TUNAR: variants seen among roughly 807,000 people sequenced by gnomAD.
The protein encoded by TUNAR is protein TUNAR.
Position 95,907,991 on chromosome 14 carries a change from C to T in TUNAR, c.13-14790C>T, listed in dbSNP as rs375348645. On this transcript the variant is annotated intron_variant, in intron 2 of 2. Transcript: ENST00000678517. ...TGTGTGTCAGTTGGTCCATGGGCAG[C>T]CATGGGTGGGCCTGGAAAAGGCACC... 2.4e-3 allele frequency among the ~76,000 whole-genome samples: 360 copies of T among 152,270 alleles called. 3 individuals are homozygous for T. The highest frequency in any genetic ancestry group is 7.9e-3 in the African/African-American group (330 of 41,568).
intron 2 of TUNAR, among the ~76,000 whole-genome samples, chr14:95,909,549 C>T (rs184509398): frequency 6.6e-6 from 1 of 152,294 alleles, no homozygotes; most frequent in Admixed American, 6.5e-5. Flanking sequence ...CCGCAAAGTG[C>T]TGGGATTACA....
At chr14:95,896,515 G>T (rs1482058211) in intron 2 of TUNAR, among the ~76,000 whole-genome samples, 3 of 152,184 alleles carry the variant, frequency 2.0e-5, no homozygotes, top group Admixed American at 2.0e-4. Flanking sequence ...GACTGGGCTG[G>T]GTGAGGGGCA....
At chr14:95,909,282 CTTTTTTTT>C (rs3044246) in intron 2 of TUNAR, among the ~76,000 whole-genome samples, 1 of 125,960 alleles carries the variant, frequency 7.9e-6, no homozygotes, top group Non-Finnish European at 1.6e-5. Flanking sequence ...GCTGCCATCT[CTTTTTTTT>C]TTTTTTTTTT....
chr14:95,887,681 A>G (rs1675853643), intron 2 of TUNAR, among the ~76,000 whole-genome samples: 1 of 152,212 alleles, frequency 6.6e-6, no homozygotes, highest in Admixed American at 6.5e-5. Flanking sequence ...GGACAGTACT[A>G]ATCTACCTGC....
chr14:95,915,472 C>T (rs1014761286), intron 2 of TUNAR, among the ~76,000 whole-genome samples: 17 of 152,228 alleles, frequency 1.1e-4, no homozygotes, highest in African/African-American at 2.9e-4. Flanking sequence ...GACAGAGCAT[C>T]TTATAGGCTT....
At position 95,918,799 on chromosome 14, in the gene TUNAR, G is replaced by T. The variant is rs369258295; in HGVS notation, c.13-3982G>T. On this transcript the variant is annotated intron_variant, in intron 2 of 2. Transcript: ENST00000678517. ...TTTGTTTTGCTTGAGTGACTGTGAT[G>T]ATGGGTCTTTGGTTATAAAGGCAGC... is the stretch of plus-strand genomic sequence containing the variant. 4.6e-5 allele frequency among the ~76,000 whole-genome samples: 7 copies of T among 152,304 alleles called. 1 individual carries two copies. Among genetic ancestry groups the T allele is most frequent in the East Asian group, 1.9e-4 (1 of 5,182 alleles).
At chr14:95,912,423 A>G (rs1288572646) in intron 2 of TUNAR, among the ~76,000 whole-genome samples, 1 of 152,224 alleles carries the variant, frequency 6.6e-6, no homozygotes, top group East Asian at 1.9e-4. Context: ...TATTGTCTAA[A>G]TAGATGCAGA....
chr14:95,909,602 G>A (rs541102776), intron 2 of TUNAR, among the ~76,000 whole-genome samples: 1 of 152,286 alleles, frequency 6.6e-6, no homozygotes, highest in South Asian at 2.1e-4. Context: ...TCTTTATAGG[G>A]AAATCCAGCT....
chr14:95,898,675 G>C (rs536483679), intron 2 of TUNAR, among the ~76,000 whole-genome samples: 31 of 152,010 alleles, frequency 2.0e-4, no homozygotes, highest in African/African-American at 6.0e-4. Context: ...TAACCTCTGA[G>C]AGCTTTTTCT....
At chr14:95,915,979 C>T (rs1889598916) in intron 2 of TUNAR, among the ~76,000 whole-genome samples, 2 of 152,140 alleles carry the variant, frequency 1.3e-5, no homozygotes, top group South Asian at 4.1e-4. Context: ...ACTTAATATA[C>T]CCAGTCTTTA....
chr14:95,901,898 C>T (rs1476294129), intron 2 of TUNAR, among the ~76,000 whole-genome samples: 2 of 152,174 alleles, frequency 1.3e-5, no homozygotes, highest in African/African-American at 4.8e-5. Context: ...GCTGCAGGGA[C>T]ACGGTATCTG....
At chr14:95,924,962 C>T (rs1260862637) in exon 3 of TUNAR, 1 of 152,224 alleles carries the variant, frequency 6.6e-6, no homozygotes, top group East Asian at 1.9e-4. Context: ...TTCTTGGGCT[C>T]TGTTAAATGG....
intron 2 of TUNAR, among the ~76,000 whole-genome samples, chr14:95,900,522 A>G (rs1368696727): frequency 6.6e-6 from 1 of 152,214 alleles, no homozygotes; most frequent in Non-Finnish European, 1.5e-5. Flanking sequence ...AGTTGGTGGG[A>G]GTCCAGGGTA....
At chr14:95,925,040 C>T (rs1366944073) in exon 3 of TUNAR, 1 of 152,246 alleles carries the variant, frequency 6.6e-6, no homozygotes, top group Non-Finnish European at 1.5e-5. Flanking sequence ...GATATCTTCT[C>T]TTCCCTGCCA....
intron 2 of TUNAR, among the ~76,000 whole-genome samples, chr14:95,884,303 C>T (rs142705649): frequency 6.6e-6 from 1 of 152,174 alleles, no homozygotes; most frequent in African/African-American, 2.4e-5. Context: ...TCCTCTCCCA[C>T]CACCTGCCCC....
chr14:95,919,850 G>A (rs1185614320), intron 2 of TUNAR, among the ~76,000 whole-genome samples: 16 of 152,200 alleles, frequency 1.1e-4, no homozygotes, highest in Non-Finnish European at 1.5e-5. Flanking sequence ...GAGATGGTGA[G>A]TTTATGGGTG....
At chr14:95,903,463 C>T (rs148894688) in intron 2 of TUNAR, among the ~76,000 whole-genome samples, 4 of 152,168 alleles carry the variant, frequency 2.6e-5, no homozygotes, top group African/African-American at 4.8e-5. Context: ...AGATCACCAG[C>T]GACAAACATT....
intron 2 of TUNAR, among the ~76,000 whole-genome samples, chr14:95,921,055 C>T (rs1043521999): frequency 2.0e-5 from 3 of 152,198 alleles, no homozygotes; most frequent in Middle Eastern, 3.4e-3. Flanking sequence ...CAGGAAAAAG[C>T]CATTGTCCCA....
At chr14:95,904,819 G>A (rs1479808485) in intron 2 of TUNAR, among the ~76,000 whole-genome samples, 1 of 152,232 alleles carries the variant, frequency 6.6e-6, no homozygotes, top group African/African-American at 2.4e-5. Flanking sequence ...CAGTGCCTGA[G>A]TTTATATCCT....
Sources: gnomAD v4.1 joint callset for allele counts (sites outside exome capture counted in the v4.1 genomes callset) on GRCh38, gnomAD v4.1.1 for gene constraint, MANE v1.5 for transcripts, NCBI Gene and HGNC (gene_info 2026-07-23, HGNC 2026-07-21) for gene names.